KAT7: variants seen among roughly 807,000 people sequenced by gnomAD.
The protein encoded by KAT7 is lysine acetyltransferase 7, also known as histone acetyltransferase KAT7.
In KAT7, 10 loss-of-function variants were observed where a neutral mutation model predicts 82.1. That is an observed-to-expected ratio of 0.12 (90% confidence interval 0.08 to 0.21). The LOEUF (loss-of-function observed/expected upper bound fraction) is 0.21. Ranked by LOEUF, KAT7 falls within the 10% of genes least tolerant of loss-of-function variation. The pLI is 1.00. For synonymous variants in KAT7, 250 were observed against 262.5 expected (o/e 0.95, Z 0.46); for missense variants, 378 against 760.9 (o/e 0.50, Z 5.92).
chr17:49,812,548 G>T (rs1024747977), intron 7 of KAT7, among the ~76,000 whole-genome samples: 10 of 151,832 alleles, frequency 6.6e-5, no homozygotes, highest in Non-Finnish European at 1.2e-4. Context: ...TTTAGGAAAA[G>T]ATTTTATTAT....
chr17:49,807,180 C>G (rs1428211631), intron 5 of KAT7, among the ~76,000 whole-genome samples: 1 of 152,104 alleles, frequency 6.6e-6, no homozygotes, highest in African/African-American at 2.4e-5. Flanking sequence ...GGGGAGGCAA[C>G]ATAAACCTTC....
At chr17:49,821,918 T>TAA (rs373603649) in intron 11 of KAT7, 128 bp downstream of exon 11, 103 of 633,836 alleles carry the variant, frequency 1.6e-4, no homozygotes, top group African/African-American at 4.0e-4. Flanking sequence ...TTCCTTAAAT[T>TAA]AAAAAAAAAA....
chr17:49,826,858 A>G (rs185961283), intron 14 of KAT7, 59 bp downstream of exon 14: 6 of 1,113,070 alleles, frequency 5.4e-6, no homozygotes, highest in African/African-American at 1.5e-5. Flanking sequence ...TTAGCAGAGC[A>G]AAGTATGGGC....
intron 13 of KAT7, 163 bp downstream of exon 13, chr17:49,826,309 G>A (rs2074368289): frequency 1.6e-6 from 1 of 636,438 alleles, no homozygotes; most frequent in Non-Finnish European, 2.6e-6. Context: ...TGGCCCCTGG[G>A]AATGGTTATT....
At chr17:49,789,857 T>C (rs2073862889) in intron 1 of KAT7, 3 of 152,254 alleles carry the variant, frequency 2.0e-5, no homozygotes, top group East Asian at 1.9e-4. Context: ...CAGTTAAGTC[T>C]GCCCTGGAGT....
chr17:49,803,131 C>T (rs146254307), intron 4 of KAT7, among the ~76,000 whole-genome samples: 1,710 of 150,474 alleles, frequency 0.011, 45 homozygotes, highest in African/African-American at 0.04. Context: ...TTTTCTGAGA[C>T]GGAATCTTGC....
At chr17:49,825,095 A>G (rs1255716615) in intron 12 of KAT7, among the ~76,000 whole-genome samples, 1 of 152,160 alleles carries the variant, frequency 6.6e-6, no homozygotes, top group Non-Finnish European at 1.5e-5. Flanking sequence ...TTCCACTCCC[A>G]TCATTTTTTT....
intron 9 of KAT7, among the ~76,000 whole-genome samples, chr17:49,819,012 C>T (rs973005924): frequency 7.2e-5 from 11 of 152,186 alleles, no homozygotes; most frequent in Admixed American, 4.6e-4. Flanking sequence ...GCTGGGATTA[C>T]AGGCATGAGC....
chr17:49,792,001 G>A lies in KAT7; in HGVS notation c.131G>A (p.Arg44His), dbSNP rs1455350385. ...TCCCGACGATCTGCTCGAGTCACCCGCTCCTCAGCCAGGCTAAGCCAGAGT... is the reference window on the plus strand; with the variant it reads ...TCCCGACGATCTGCTCGAGTCACCCACTCCTCAGCCAGGCTAAGCCAGAGT... ...GTSRRSARVT[R>H]SSARLSQSSQ... is the part of the protein sequence containing the mutation. The change falls in exon 2 of 15, where the codon CGC (arginine) becomes CAC (histidine). Residue 44 changes from arginine (R) to histidine (H), a missense_variant. Physicochemically the swap from Arg to His is conservative, Grantham distance 29. Around this residue, in one of 6 missense-constraint regions of KAT7, gnomAD observed 161 missense variants for 229.6 expected, o/e 0.70. Coordinates refer to ENST00000259021, the MANE Select transcript of KAT7 (RefSeq NM_007067.5). The A allele has an allele frequency of 6.2e-7, 1 of 1,613,986 alleles. No homozygotes were observed.
intron 2 of KAT7, among the ~76,000 whole-genome samples, chr17:49,796,146 G>A (rs1394641924): frequency 6.6e-6 from 1 of 152,134 alleles, no homozygotes; most frequent in African/African-American, 2.4e-5. Context: ...TTAAAATGCT[G>A]CATTCCTGCT....
chr17:49,826,827 T>C, intron 14 of KAT7, 28 bp downstream of exon 14: 1 of 1,426,398 alleles, frequency 7.0e-7, no homozygotes. Context: ...GGCTTGCTCA[T>C]TGCTGGATGT....
intron 11 of KAT7, among the ~76,000 whole-genome samples, chr17:49,822,197 A>G (rs2074312762): frequency 6.6e-6 from 1 of 151,834 alleles, no homozygotes; most frequent in Non-Finnish European, 1.5e-5. Context: ...CTTCAGTGAT[A>G]ACACTACTGC....
At position 49,788,776 on chromosome 17, in the gene KAT7, C is replaced by T. The variant is rs974430993; in HGVS notation, c.-59C>T. The stretch of plus-strand genomic sequence containing the variant: ...GCCGCCACGGAGCCCGCCGGAGCCA[C>T]CGTTCCTGCTGCTGCCGCCGCTGCC... On this transcript the variant is annotated 5_prime_UTR_variant, in exon 1 of 15. Transcript: ENST00000259021. The T allele has an allele frequency of 2.6e-6, 4 of 1,550,922 alleles. No homozygotes were observed. The South Asian group carries it at 3.5e-5, about 14-fold the overall frequency.
chr17:49,798,228 AAAAG>A, intron 3 of KAT7, 87 bp from the exon 4 acceptor site: 1 of 1,280,114 alleles, frequency 7.8e-7, no homozygotes. Context: ...AAATCATAGA[AAAAG>A]AACCTGGGAA....
intron 8 of KAT7, among the ~76,000 whole-genome samples, chr17:49,816,933 T>C (rs963504721): frequency 6.6e-6 from 1 of 152,120 alleles, no homozygotes; most frequent in Non-Finnish European, 1.5e-5. Context: ...CACGTCAGCC[T>C]CCTGAGTAGC....
chr17:49,789,558 C>A (rs2073857398), intron 1 of KAT7: 1 of 152,222 alleles, frequency 6.6e-6, no homozygotes, highest in African/African-American at 2.4e-5. Flanking sequence ...AGGAATGGCC[C>A]CGTCGTTTCT....
At chr17:49,826,966 T>A in intron 14 of KAT7, 167 bp downstream of exon 14, 1 of 539,916 alleles carries the variant, frequency 1.9e-6, no homozygotes, top group South Asian at 2.3e-5. Context: ...TGTTGCCTTA[T>A]CCTTATCAGA....
chr17:49,817,710 G>A lies in KAT7; in HGVS notation c.964-110G>A, dbSNP rs768904400. ...TCGAACTCCTGGCCTTAAGTGACCT[G>A]CCTGCCTCAGCCTCCCAAAGTGTTG... is the stretch of plus-strand genomic sequence containing the variant. On this transcript the variant is annotated intron_variant, in intron 8 of 14. Coordinates refer to ENST00000259021, the MANE Select transcript of KAT7 (RefSeq NM_007067.5). 4 of 798,888 alleles carry A rather than the reference G, an allele frequency of 5.0e-6. No individual in the cohort carries two copies. In the African/African-American group the frequency reaches 7.0e-5, roughly 14 times the overall value. 49.5% of individuals were successfully genotyped at this position (798,888 alleles called of 1,614,324 possible).
intron 4 of KAT7, among the ~76,000 whole-genome samples, chr17:49,801,427 A>G (rs1330348610): frequency 6.6e-6 from 1 of 151,984 alleles, no homozygotes; most frequent in Non-Finnish European, 1.5e-5. Flanking sequence ...CTCAAGTGAA[A>G]AAGTTTACTT....
Sources: allele counts gnomAD v4.1 joint callset (sites outside exome capture counted in the v4.1 genomes callset), GRCh38; gene constraint gnomAD v4.1.1; regional missense constraint gnomAD v4.1.1; transcripts MANE v1.5; gene names NCBI Gene and HGNC (gene_info 2026-07-23, HGNC 2026-07-21).